SDK1: variants seen among roughly 807,000 people sequenced by gnomAD.
SDK1 encodes sidekick cell adhesion molecule 1.
SDK1 carries 157 observed loss-of-function variants against 245.5 expected under a neutral mutation model. The observed-to-expected ratio is 0.64, with a 90% confidence interval of 0.56 to 0.73. The LOEUF (loss-of-function observed/expected upper bound fraction) is 0.73, where lower values mean the gene tolerates loss of function less well. Among genes scored for constraint, SDK1 ranks in the 30% least tolerant of loss-of-function variants. The probability of loss-of-function intolerance (pLI) is 0.00; values close to 1 mark genes in which losing one functional copy is unlikely to be tolerated. For synonymous variants in SDK1, 1,647 were observed against 1,278.5 expected, an observed-to-expected ratio of 1.29 and a Z score of -6.15; for missense variants, 3,583 against 3,002.3, an observed-to-expected ratio of 1.19 and a Z score of -4.52.
chr7:3,470,127 C>T (rs1012180846), intron 1 of SDK1, among the ~76,000 whole-genome samples: 6 of 152,158 alleles, frequency 3.9e-5, no homozygotes, highest in Non-Finnish European at 5.9e-5. Flanking sequence ...GGCTTAGCAT[C>T]ACAGGAAGAA....
intron 1 of SDK1, among the ~76,000 whole-genome samples, chr7:3,317,425 G>A (rs1230712483): frequency 6.6e-6 from 1 of 152,098 alleles, no homozygotes; most frequent in African/African-American, 2.4e-5. Flanking sequence ...TAATTGGGGA[G>A]CAAGAATTCC....
intron 5 of SDK1, among the ~76,000 whole-genome samples, chr7:3,944,262 C>T (rs992940009): frequency 6.6e-6 from 1 of 152,202 alleles, no homozygotes; most frequent in East Asian, 1.9e-4. Context: ...AGAGGGATAA[C>T]AATCGTTATC....
intron 44 of SDK1, among the ~76,000 whole-genome samples, chr7:4,253,896 C>A (rs557002368): frequency 6.6e-6 from 1 of 152,128 alleles, no homozygotes; most frequent in East Asian, 1.9e-4. Flanking sequence ...ATCTTTATTC[C>A]CTATTTTCCA....
At chr7:3,690,119 C>A (rs781474241) in intron 4 of SDK1, among the ~76,000 whole-genome samples, 2 of 152,150 alleles carry the variant, frequency 1.3e-5, no homozygotes, top group Admixed American at 6.5e-5. Flanking sequence ...CAGAACAGAT[C>A]GAACCTTTTG....
intron 4 of SDK1, among the ~76,000 whole-genome samples, chr7:3,717,837 A>G (rs10270665): frequency 0.084 from 12,782 of 152,254 alleles, 623 homozygotes; most frequent in Middle Eastern, 0.14. Context: ...CCACACATTT[A>G]AAGAAGAATT....
In SDK1 at chr7:4,220,100, C is replaced by T. The variant is rs768601372; in HGVS notation, c.5540-9C>T. 34 of 1,610,612 alleles carry T rather than the reference C, an allele frequency of 2.1e-5. 1 individual carries two copies. The highest frequency in any genetic ancestry group is 6.7e-5 in the African/African-American group (5 of 74,824). Reference sequence around the variant, plus strand: ...ACCCCCTTGTTTCCTTTGCTTCTGGCGGCTGCAGGGGTGAGCAAGGTGGTG... The same window carrying T: ...ACCCCCTTGTTTCCTTTGCTTCTGGTGGCTGCAGGGGTGAGCAAGGTGGTG... On this transcript the variant is annotated splice_polypyrimidine_tract_variant and intron_variant, in intron 38 of 44. Coordinates refer to ENST00000404826, the MANE Select transcript of SDK1 (RefSeq NM_152744.4).
chr7:4,248,773 A>T (rs891486804), intron 44 of SDK1, among the ~76,000 whole-genome samples: 3 of 152,106 alleles, frequency 2.0e-5, no homozygotes, highest in African/African-American at 7.2e-5. Flanking sequence ...CACATACATC[A>T]TATACTCATA....
chr7:3,661,289 G>C (rs373383093), intron 4 of SDK1, among the ~76,000 whole-genome samples: 1 of 152,148 alleles, frequency 6.6e-6, no homozygotes, highest in Admixed American at 6.5e-5. Flanking sequence ...TGCTATGTAT[G>C]GATTAACATT....
intron 1 of SDK1, among the ~76,000 whole-genome samples, chr7:3,556,772 C>T (rs941737053): frequency 2.6e-5 from 4 of 152,106 alleles, no homozygotes; most frequent in African/African-American, 7.2e-5. Flanking sequence ...CCAGCCTGGG[C>T]AGCAGAGTGA....
chr7:4,120,910 C>G (rs1784016366), intron 25 of SDK1, among the ~76,000 whole-genome samples: 1 of 150,450 alleles, frequency 6.6e-6, no homozygotes, highest in Admixed American at 6.6e-5. Context: ...GCCACCACAC[C>G]CGGCCAAGAA....
chr7:3,637,178 A>G (rs917456355), intron 2 of SDK1, among the ~76,000 whole-genome samples: 1 of 151,578 alleles, frequency 6.6e-6, no homozygotes, highest in African/African-American at 2.4e-5. Flanking sequence ...GTTCACTGCA[A>G]CCTCCGCCTC....
chr7:3,390,931 T>C (rs936672092), intron 1 of SDK1, among the ~76,000 whole-genome samples: 1 of 152,168 alleles, frequency 6.6e-6, no homozygotes, highest in Non-Finnish European at 1.5e-5. Context: ...AATAGTGGAC[T>C]CTAACAAATT....
intron 1 of SDK1, among the ~76,000 whole-genome samples, chr7:3,476,651 G>T (rs916947106): frequency 1.3e-5 from 2 of 152,122 alleles, no homozygotes; most frequent in Non-Finnish European, 2.9e-5. Flanking sequence ...TTGAAATTTA[G>T]TATTTTTATA....
At chr7:3,894,161 T>A (rs1392518865) in intron 5 of SDK1, among the ~76,000 whole-genome samples, 1 of 152,200 alleles carries the variant, frequency 6.6e-6, no homozygotes, top group Non-Finnish European at 1.5e-5. Flanking sequence ...AAAATATATA[T>A]ATCATAAATA....
chr7:4,105,201 T>G (rs1782821505), intron 22 of SDK1, among the ~76,000 whole-genome samples: 1 of 152,128 alleles, frequency 6.6e-6, no homozygotes, highest in South Asian at 2.1e-4. Context: ...CAGGCTGATC[T>G]TGAACTCCTG....
chr7:3,546,358 C>T (rs1246364894), intron 1 of SDK1, among the ~76,000 whole-genome samples: 3 of 152,180 alleles, frequency 2.0e-5, no homozygotes, highest in African/African-American at 4.8e-5. Flanking sequence ...CCTCTGTTTC[C>T]ACCTTGTGGA....
intron 14 of SDK1, among the ~76,000 whole-genome samples, chr7:4,008,883 C>T (rs1785710412): frequency 6.6e-6 from 1 of 152,132 alleles, no homozygotes; most frequent in African/African-American, 2.4e-5. Flanking sequence ...CTCTTCGAAC[C>T]CCTCCTTTCT....
At chr7:3,920,765 T>A (rs910900582) in intron 5 of SDK1, among the ~76,000 whole-genome samples, 2 of 150,284 alleles carry the variant, frequency 1.3e-5, no homozygotes, top group Admixed American at 1.3e-4. Flanking sequence ...GGGGGAGCAG[T>A]GAGAGTGAAG....
At chr7:3,848,705 C>G (rs1376288583) in intron 5 of SDK1, among the ~76,000 whole-genome samples, 1 of 151,356 alleles carries the variant, frequency 6.6e-6, no homozygotes, top group Non-Finnish European at 1.5e-5. Flanking sequence ...GTGTATTGCT[C>G]TTGTCACTCA....
Sources: gnomAD v4.1 joint callset for allele counts (sites outside exome capture counted in the v4.1 genomes callset) on GRCh38, gnomAD v4.1.1 for gene constraint, MANE v1.5 for transcripts, NCBI Gene and HGNC (gene_info 2026-07-23, HGNC 2026-07-21) for gene names.